The following C8orf34 variants were observed in gnomAD, a reference collection of about 807,000 sequenced individuals.
The protein encoded by C8orf34 is uncharacterized protein C8orf34.
C8orf34 carries 65 observed loss-of-function variants against 68.3 expected under a neutral mutation model. That is an observed-to-expected ratio of 0.95 (90% CI 0.78 to 1.17). The LOEUF (loss-of-function observed/expected upper bound fraction) is 1.17. C8orf34 is among the 50% of genes most tolerant of loss of function. The probability of loss-of-function intolerance (pLI) is 0.00; values close to 1 mark genes in which losing one functional copy is unlikely to be tolerated. For synonymous variants in C8orf34, 244 were observed against 241.2 expected, an observed-to-expected ratio of 1.01 and a Z score of -0.11; for missense variants, 664 against 655.4, an observed-to-expected ratio of 1.01 and a Z score of -0.14.
At chr8:68,533,271 A>G in intron 7 of C8orf34, 122 bp downstream of exon 7, 3 of 1,414,378 alleles carry the variant, frequency 2.1e-6, no homozygotes, top group South Asian at 1.7e-5. Flanking sequence ...ACCATTTAGT[A>G]CATATTTTAT....
At chr8:68,424,688 C>T (rs1488605176) in intron 1 of C8orf34, among the ~76,000 whole-genome samples, 2 of 152,094 alleles carry the variant, frequency 1.3e-5, no homozygotes, top group Admixed American at 6.5e-5. Flanking sequence ...ATCACGAGGT[C>T]AGGAGATCTG....
intron 1 of C8orf34, among the ~76,000 whole-genome samples, chr8:68,331,779 C>CCTT (rs1805609777): frequency 3.2e-5 from 1 of 30,944 alleles, no homozygotes; most frequent in Non-Finnish European, 7.1e-5. Flanking sequence ...TCTTTTCTTT[C>CCTT]CTTCTTTTTT....
At chr8:68,686,577 C>A (rs1235683270) in intron 8 of C8orf34, among the ~76,000 whole-genome samples, 9 of 152,002 alleles carry the variant, frequency 5.9e-5, no homozygotes, top group Admixed American at 6.6e-5. Flanking sequence ...ATCCAGCATC[C>A]TTTTATGATC....
rs181108343 is a variant in C8orf34, at chr8:68,803,442, A to G, written c.1550-12444A>G. Among the ~76,000 whole-genome samples the G allele has an allele frequency of 3.3e-5, 5 of 152,266 alleles. No homozygotes were observed. The East Asian group carries it at 9.6e-4, about 29-fold the overall frequency. On this transcript the variant is annotated intron_variant, in intron 12 of 13. Coordinates refer to ENST00000518698, the MANE Select transcript of C8orf34 (RefSeq NM_052958.4). ...TAAAAAGTGTTTGATAAATATTGAC[A>G]TCTAATCATGACAAAAAATTCAGTG...
At chr8:68,662,152 G>A (rs564643916) in intron 8 of C8orf34, among the ~76,000 whole-genome samples, 1 of 152,144 alleles carries the variant, frequency 6.6e-6, no homozygotes, top group East Asian at 1.9e-4. Context: ...GTTATGGGAG[G>A]GTGCTGGGAG....
chr8:68,568,052 G>T (rs767079316), intron 7 of C8orf34, among the ~76,000 whole-genome samples: 4 of 151,988 alleles, frequency 2.6e-5, no homozygotes, highest in Non-Finnish European at 5.9e-5. Context: ...AGAGATAGGG[G>T]GATGGCTAGT....
At chr8:68,412,365 A>G (rs369028204) in intron 1 of C8orf34, among the ~76,000 whole-genome samples, 1 of 152,182 alleles carries the variant, frequency 6.6e-6, no homozygotes, top group Admixed American at 6.6e-5. Context: ...TAGCTGAGAA[A>G]TAGTTCTAAT....
intron 5 of C8orf34, among the ~76,000 whole-genome samples, chr8:68,518,926 G>T (rs1226408938): frequency 6.8e-6 from 1 of 148,118 alleles, no homozygotes; most frequent in Non-Finnish European, 1.5e-5. Context: ...AAAAAAAGTG[G>T]TAGATACAGG....
chr8:68,381,717 C>T (rs888725464), intron 1 of C8orf34, among the ~76,000 whole-genome samples: 7 of 108,642 alleles, frequency 6.4e-5, no homozygotes, highest in African/African-American at 2.3e-4. Flanking sequence ...CCGGCCTGGG[C>T]GACAGAGCGA....
At chr8:68,624,266 T>G (rs1364616715) in intron 7 of C8orf34, among the ~76,000 whole-genome samples, 1 of 146,316 alleles carries the variant, frequency 6.8e-6, no homozygotes, top group Admixed American at 6.8e-5. Flanking sequence ...AGGGAGGCTC[T>G]GTCTCAAAAA....
At chr8:68,646,755 A>G (rs901670733) in intron 8 of C8orf34, among the ~76,000 whole-genome samples, 1 of 152,174 alleles carries the variant, frequency 6.6e-6, no homozygotes, top group Non-Finnish European at 1.5e-5. Context: ...TTATTTCAGC[A>G]TAATATCCTC....
intron 3 of C8orf34, among the ~76,000 whole-genome samples, chr8:68,468,080 C>T (rs181745736): frequency 2.8e-4 from 42 of 152,062 alleles, no homozygotes; most frequent in Non-Finnish European, 5.4e-4. Context: ...TCTTGGCATT[C>T]CTCTGTTCAG....
intron 7 of C8orf34, among the ~76,000 whole-genome samples, chr8:68,561,852 C>T (rs1318908343): frequency 4.6e-5 from 7 of 152,172 alleles, no homozygotes; most frequent in African/African-American, 1.7e-4. Flanking sequence ...GGGTCAGCAT[C>T]ATCAATGTCA....
intron 7 of C8orf34, chr8:68,535,124 T>G: frequency 2.0e-6 from 2 of 984,980 alleles, no homozygotes; most frequent in Non-Finnish European, 2.4e-6. Flanking sequence ...AATGCCATAT[T>G]CAATTTCTTG....
chr8:68,586,256 G>T (rs903345532), intron 7 of C8orf34, among the ~76,000 whole-genome samples: 8 of 152,046 alleles, frequency 5.3e-5, no homozygotes, highest in African/African-American at 1.9e-4. Flanking sequence ...ATATTTCAAA[G>T]AAAATATGCA....
At chr8:68,691,200 T>C (rs1385292785) in intron 8 of C8orf34, among the ~76,000 whole-genome samples, 1 of 152,084 alleles carries the variant, frequency 6.6e-6, no homozygotes, top group Non-Finnish European at 1.5e-5. Flanking sequence ...CTGCATTGTT[T>C]GCAAATTGAA....
intron 7 of C8orf34, among the ~76,000 whole-genome samples, chr8:68,580,529 G>T (rs1340661081): frequency 6.6e-6 from 1 of 152,142 alleles, no homozygotes; most frequent in East Asian, 1.9e-4. Flanking sequence ...GCCCCTATCA[G>T]GTTGATCCAA....
intron 7 of C8orf34, among the ~76,000 whole-genome samples, chr8:68,584,905 C>A (rs1028059402): frequency 6.6e-6 from 1 of 152,096 alleles, no homozygotes; most frequent in African/African-American, 2.4e-5. Flanking sequence ...GCTCCACAGC[C>A]TATTAACTGT....
intron 1 of C8orf34, among the ~76,000 whole-genome samples, chr8:68,419,214 A>G (rs1215458524): frequency 6.6e-6 from 1 of 150,982 alleles, no homozygotes; most frequent in South Asian, 2.1e-4. Context: ...GCAGCCAAAA[A>G]ACACATGAAA....
Sources: gnomAD v4.1 joint callset for allele counts (sites outside exome capture counted in the v4.1 genomes callset) on GRCh38, gnomAD v4.1.1 for gene constraint, MANE v1.5 for transcripts, NCBI Gene and HGNC (gene_info 2026-07-23, HGNC 2026-07-21) for gene names.